SLC37A1: variants seen among roughly 807,000 people sequenced by gnomAD.
SLC37A1 encodes the protein solute carrier family 37 member 1.
A neutral mutation model predicts 75.3 loss-of-function variants in SLC37A1; 49 were observed. That is an observed-to-expected ratio of 0.65 (90% CI 0.52 to 0.83). The LOEUF (loss-of-function observed/expected upper bound fraction) is 0.83. SLC37A1 is among the 40% of genes least tolerant of loss of function. The probability of loss-of-function intolerance (pLI) is 0.00; values close to 1 mark genes in which losing one functional copy is unlikely to be tolerated. For missense variants in SLC37A1, 566 were observed against 695.0 expected (o/e 0.81, Z 2.09); for synonymous variants, 268 against 292.1 (o/e 0.92, Z 0.84).
At chr21:42,579,212 C>T (rs1657029358) in intron 18 of SLC37A1, among the ~76,000 whole-genome samples, 3 of 152,196 alleles carry the variant, frequency 2.0e-5, no homozygotes, top group African/African-American at 7.2e-5. Flanking sequence ...CCGGCCAGGC[C>T]TGGCCTCCAA....
chr21:42,508,591 T>C (rs1383008581), intron 2 of SLC37A1: 2 of 152,178 alleles, frequency 1.3e-5, no homozygotes, highest in Admixed American at 1.3e-4. Context: ...TCAAGAGGAA[T>C]TTACAACAGA....
chr21:42,572,518 T>C (rs1017626952), intron 17 of SLC37A1, among the ~76,000 whole-genome samples: 3 of 151,962 alleles, frequency 2.0e-5, no homozygotes, highest in African/African-American at 7.3e-5. Context: ...CTCAGGGAGA[T>C]TCTTGACTGT....
chr21:42,532,198 TA>T (rs1223452400), intron 3 of SLC37A1, among the ~76,000 whole-genome samples: 1 of 152,162 alleles, frequency 6.6e-6, no homozygotes, highest in Non-Finnish European at 1.5e-5. Flanking sequence ...ACTCATTACA[TA>T]ACAAAACTAG....
At chr21:42,567,103 A>G (rs756274684) in intron 16 of SLC37A1, 45 bp downstream of exon 16, 110 of 1,596,984 alleles carry the variant, frequency 6.9e-5, no homozygotes, top group Non-Finnish European at 8.5e-5. Context: ...GCACCCTGCC[A>G]TGTGCCATTC....
chr21:42,563,569 G>A (rs767947650), intron 12 of SLC37A1, among the ~76,000 whole-genome samples: 13 of 152,214 alleles, frequency 8.5e-5, no homozygotes, highest in African/African-American at 2.2e-4. Context: ...GCCCCTGGGG[G>A]GGTCTCTGAA....
At chr21:42,519,508 G>C (rs1332007182) in intron 2 of SLC37A1, among the ~76,000 whole-genome samples, 2 of 152,246 alleles carry the variant, frequency 1.3e-5, no homozygotes, top group East Asian at 3.9e-4. Context: ...GACTTCTTTT[G>C]GGGAACTCTG....
At chr21:42,537,003 G>T (rs138852290) in intron 5 of SLC37A1, among the ~76,000 whole-genome samples, 1 of 152,132 alleles carries the variant, frequency 6.6e-6, no homozygotes, top group Non-Finnish European at 1.5e-5. Context: ...GGTCTTTACC[G>T]CCTGGAGAAA....
rs527386830 is a variant in SLC37A1 at position 42,563,696 on chromosome 21, G to A, written c.1073-119G>A. ...CTGAGTTAACTACTAATTGCTCCTC[G>A]GTATAAATCAAGCTTATGAAGCCAG... On this transcript the variant is annotated intron_variant, in intron 12 of 19. Coordinates refer to ENST00000352133, the MANE Select transcript of SLC37A1 (RefSeq NM_001320537.2). 3.7e-4 allele frequency: 303 copies of A among 812,770 alleles called. 1 individual carries two copies. Among genetic ancestry groups the A allele is most frequent in the South Asian group, 2.5e-3 (167 of 65,668 alleles). The allele number at this position is 812,770 out of a possible 1,614,324, so 50.3% of individuals were successfully genotyped here.
intron 18 of SLC37A1, among the ~76,000 whole-genome samples, chr21:42,578,648 T>C (rs2056355097): frequency 6.6e-6 from 1 of 152,188 alleles, no homozygotes; most frequent in Non-Finnish European, 1.5e-5. Flanking sequence ...ACCTGCCGTG[T>C]TCCCACGACC....
Position 42,537,448 on chromosome 21 carries a change from T to TC in SLC37A1, c.350+1899dup, listed in dbSNP as rs2055169476. On this transcript the variant is annotated intron_variant, in intron 5 of 19. Coordinates refer to ENST00000352133, the MANE Select transcript of SLC37A1 (RefSeq NM_001320537.2). ...AAGACCCAAAGTGGGAATGTGTTTTTCTCAGTTACTGGAAAACTGCATTTA... is the reference window on the plus strand; with the variant it reads ...AAGACCCAAAGTGGGAATGTGTTTTTCCTCAGTTACTGGAAAACTGCATTTA... 2.0e-5 allele frequency among the ~76,000 whole-genome samples: 3 copies of TC among 152,354 alleles called. No individual in the cohort carries two copies. The South Asian group carries it at 6.2e-4, about 32-fold the overall frequency.
rs1423839336 is a variant in SLC37A1 at position 42,501,993 on chromosome 21, A to T, written c.-300-303A>T. ...ACCACGTGTCCATGATTTTCCCAGA[A>T]TAAGGCTCCCCCTACCCAACTTACA... On this transcript the variant is annotated intron_variant, in intron 1 of 20. Transcript: ENST00000398341. Among the ~76,000 whole-genome samples the T allele has an allele frequency of 3.3e-5, 5 of 152,218 alleles. 1 individual carries two copies. Among genetic ancestry groups the T allele is most frequent in the Non-Finnish European group, 7.3e-5 (5 of 68,036 alleles).
chr21:42,574,820 G>T lies in SLC37A1; in HGVS notation c.1426G>T (p.Ala476Ser). Residue 476 changes from alanine to serine, a missense_variant and splice_region_variant, in exon 18 of 20, where the codon GCA becomes TCA. By Grantham distance (99) the Ala-to-Ser change is moderately conservative. Transcript: ENST00000352133. Reference sequence around the variant, plus strand: ...TGTGTCCATTTGCCTGATTTCAGGAGCAGCCCTGGGCCCCCTGCTGGCTGG... The same window carrying T: ...TGTGTCCATTTGCCTGATTTCAGGATCAGCCCTGGGCCCCCTGCTGGCTGG... ...AIIDGTGSVG[A>S]ALGPLLAGLL... 6.2e-7 allele frequency: 1 copy of T among 1,614,012 alleles called. No individual in the cohort carries two copies. The highest frequency in any genetic ancestry group is 8.5e-7 in the Non-Finnish European group (1 of 1,179,968).
At chr21:42,520,019 TTTC>T (rs2054609899) in intron 2 of SLC37A1, among the ~76,000 whole-genome samples, 3 of 151,762 alleles carry the variant, frequency 2.0e-5, no homozygotes, top group African/African-American at 7.3e-5. Context: ...CACACACACT[TTTC>T]TGAACCACTT....
At chr21:42,543,666 G>A (rs2055338510) in intron 8 of SLC37A1, 64 bp downstream of exon 8, 2 of 1,502,154 alleles carry the variant, frequency 1.3e-6, no homozygotes, top group Non-Finnish European at 1.8e-6. Context: ...TGCCTGGGTG[G>A]GCCTTGGGGG....
At chr21:42,533,162 G>A (rs753901825) in intron 3 of SLC37A1, among the ~76,000 whole-genome samples, 1 of 152,144 alleles carries the variant, frequency 6.6e-6, no homozygotes, top group Non-Finnish European at 1.5e-5. Flanking sequence ...CCAGCGTTCT[G>A]TGCCCTGACC....
At chr21:42,540,475 G>C (rs538354332) in intron 6 of SLC37A1, among the ~76,000 whole-genome samples, 5 of 152,302 alleles carry the variant, frequency 3.3e-5, no homozygotes, top group African/African-American at 1.2e-4. Flanking sequence ...GGAAGGAAGG[G>C]CCGACTTTGG....
chr21:42,547,235 A>G lies in SLC37A1; in HGVS notation c.768+95A>G. 1.5e-6 allele frequency: 2 copies of G among 1,363,628 alleles called. No homozygotes were observed. Among genetic ancestry groups the G allele is most frequent in the Non-Finnish European group, 2.1e-6 (2 of 953,810 alleles). The allele number at this position is 1,363,628 out of a possible 1,614,324, so 84.5% of individuals were successfully genotyped here. On this transcript the variant is annotated intron_variant, in intron 9 of 19. Coordinates refer to ENST00000352133, the MANE Select transcript of SLC37A1 (RefSeq NM_001320537.2). The surrounding 1 kb of genome is among the most constrained non-coding windows in gnomAD (Gnocchi z 6.1). ...TGCCTGTGCGGTGTCAGACAGAAAC[A>G]CACAGGGTAGACAGAAGTCCCACCC...
At chr21:42,579,596 G>A (rs1168577705) in intron 18 of SLC37A1, 140 bp from the exon 19 acceptor site, 1 of 508,450 alleles carries the variant, frequency 2.0e-6, no homozygotes, top group African/African-American at 2.5e-5. Flanking sequence ...TGCTCTTGCA[G>A]GGAGGCCACC....
intron 19 of SLC37A1, 103 bp downstream of exon 19, chr21:42,579,903 G>C: frequency 9.0e-7 from 1 of 1,106,798 alleles, no homozygotes; most frequent in Non-Finnish European, 1.3e-6. Flanking sequence ...GAAAGAAAAC[G>C]CGTGGCTTAT....
Sources: gnomAD v4.1 joint callset for allele counts (sites outside exome capture counted in the v4.1 genomes callset) on GRCh38, gnomAD v4.1.1 for gene constraint, Gnocchi (gnomAD v3.1) non-coding constraint, MANE v1.5 for transcripts, NCBI Gene and HGNC (gene_info 2026-07-23, HGNC 2026-07-21) for gene names.